The following MMP28 variants were observed in gnomAD, a reference collection of about 807,000 sequenced individuals.
MMP28 encodes the protein matrix metalloproteinase-28.
In MMP28, 55 loss-of-function variants were observed where a neutral mutation model predicts 60.5. That is an observed-to-expected ratio of 0.91 (90% CI 0.73 to 1.14). MMP28 has a LOEUF of 1.14. Ranked by LOEUF, MMP28 falls within the 50% of genes most tolerant of loss-of-function variation. The probability of loss-of-function intolerance (pLI) is 0.00; values close to 1 mark genes in which losing one functional copy is unlikely to be tolerated. For synonymous variants in MMP28, 318 were observed against 312.5 expected, an observed-to-expected ratio of 1.02 and a Z score of -0.18; for missense variants, 686 against 738.3, an observed-to-expected ratio of 0.93 and a Z score of 0.82.
At position 35,770,170 on chromosome 17, in the gene MMP28, G is replaced by C; in HGVS notation, c.747C>G (p.Thr249=). The change falls in exon 5 of 8, where the codon ACC becomes ACG. Residue 249 remains threonine (T), a synonymous_variant. Coordinates refer to ENST00000605424, the MANE Select transcript of MMP28 (RefSeq NM_024302.5). ...TGAGCGCGCGCGGCGCGGGCGAGTG[G>C]GTGAGGCCAAGCGTGTGACCGATCT... ...AHEIGHTLGL[T]HSPAPRALMA... is the part of the protein sequence containing the mutation. 6.2e-7 allele frequency: 1 copy of C among 1,606,948 alleles called. No homozygotes were observed. Among genetic ancestry groups the C allele is most frequent in the Non-Finnish European group, 8.5e-7 (1 of 1,178,332 alleles).
At chr17:35,788,630 G>A (rs2086723378) in intron 1 of MMP28, among the ~76,000 whole-genome samples, 1 of 152,092 alleles carries the variant, frequency 6.6e-6, no homozygotes, top group African/African-American at 2.4e-5. Flanking sequence ...AATGGCTCTG[G>A]GGTATGAGAA....
chr17:35,778,802 T>G (rs2086406869), intron 3 of MMP28, 86 bp downstream of exon 3: 2 of 1,610,930 alleles, frequency 1.2e-6, no homozygotes, highest in Admixed American at 1.7e-5. Context: ...ACTGACAAAG[T>G]CCAGTCCCAG....
At position 35,784,420 on chromosome 17, in the gene MMP28, G is replaced by A. The variant is rs528174786; in HGVS notation, c.112-5097C>T. Reference sequence around the variant, plus strand: ...GGAAGGGGCTCCTTAATGCTGTCAGGGCTGGGTGCTCTCACATTCTGTGGA... The same window carrying A: ...GGAAGGGGCTCCTTAATGCTGTCAGAGCTGGGTGCTCTCACATTCTGTGGA... On this transcript the variant is annotated intron_variant, in intron 1 of 7. Transcript: ENST00000605424. Among the ~76,000 whole-genome samples the A allele has an allele frequency of 3.3e-5, 5 of 152,292 alleles. No individual in the cohort carries two copies. In the East Asian group the frequency reaches 7.7e-4, roughly 23 times the overall value.
intron 1 of MMP28, among the ~76,000 whole-genome samples, chr17:35,786,606 C>T (rs888982146): frequency 2.0e-5 from 3 of 150,466 alleles, no homozygotes; most frequent in African/African-American, 4.9e-5. Flanking sequence ...TAGTGGCTCA[C>T]GTCTGCAATC....
intron 3 of MMP28, among the ~76,000 whole-genome samples, chr17:35,777,180 G>C (rs1598444905): frequency 6.6e-6 from 1 of 152,220 alleles, no homozygotes; most frequent in Non-Finnish European, 1.5e-5. Flanking sequence ...AAGTGACCTG[G>C]CCCAGGCCAC....
chr17:35,772,742 G>A (rs1555606179), intron 4 of MMP28, among the ~76,000 whole-genome samples: 1 of 152,196 alleles, frequency 6.6e-6, no homozygotes, highest in African/African-American at 2.4e-5. Context: ...TGTCAGGGCT[G>A]TCGGGAGTAG....
rs73286924 is a variant in MMP28 at position 35,770,427 on chromosome 17, C to T, written c.605-115G>A. The T allele has an allele frequency of 2.0e-3, 2,724 of 1,341,224 alleles. 40 individuals carry two copies. The African/African-American group carries it at 0.037, about 18-fold the overall frequency. 83.1% of individuals were successfully genotyped at this position (1,341,224 alleles called of 1,614,324 possible). On this transcript the variant is annotated intron_variant, in intron 4 of 7. Transcript: ENST00000605424. ...TGGCTGTTCTCTGCTGTATAGTTTCCCTCCTAAAATCTGGCAGAACCTGAA... is the reference window on the plus strand; with the variant it reads ...TGGCTGTTCTCTGCTGTATAGTTTCTCTCCTAAAATCTGGCAGAACCTGAA...
At chr17:35,780,365 G>A (rs1365915101) in intron 1 of MMP28, among the ~76,000 whole-genome samples, 2 of 152,054 alleles carry the variant, frequency 1.3e-5, no homozygotes, top group East Asian at 3.9e-4. Context: ...ACCGTGCCCA[G>A]CCCAAATGTA....
At chr17:35,780,941 G>T (rs903786544) in intron 1 of MMP28, among the ~76,000 whole-genome samples, 16 of 152,216 alleles carry the variant, frequency 1.1e-4, no homozygotes, top group Non-Finnish European at 2.4e-4. Flanking sequence ...CACATCGGAA[G>T]GTCAGGAAGG....
chr17:35,767,364 C>G (rs1286838112), intron 7 of MMP28, among the ~76,000 whole-genome samples: 1 of 152,220 alleles, frequency 6.6e-6, no homozygotes. Flanking sequence ...TCTTTTCACA[C>G]TCCTTCCCCA....
intron 3 of MMP28, among the ~76,000 whole-genome samples, chr17:35,777,524 G>C (rs1050445971): frequency 6.6e-6 from 1 of 152,188 alleles, no homozygotes; most frequent in Non-Finnish European, 1.5e-5. Flanking sequence ...TTTCCTTACA[G>C]GTTAGCTAAG....
chr17:35,766,302 A>C lies in MMP28; in HGVS notation c.*198T>G. ...TTTTCCTAAGATTGATCCCACCCCC[A>C]CCTCCATGTGGTGGGGACAGACAAA... is the stretch of plus-strand genomic sequence containing the variant. On this transcript the variant is annotated 3_prime_UTR_variant, in exon 8 of 8. Transcript: ENST00000605424. The surrounding 1 kb of genome is among the most constrained non-coding windows in gnomAD (Gnocchi z 4.3). The C allele has an allele frequency of 2.2e-6, 3 of 1,368,514 alleles. No individual in the cohort carries two copies. The highest frequency in any genetic ancestry group is 2.8e-6 in the Non-Finnish European group (3 of 1,062,296). 84.8% of individuals were successfully genotyped at this position (1,368,514 alleles called of 1,614,324 possible). A position where few individuals can be genotyped will look rare whatever the true frequency, so the allele number is the denominator to read the frequency against.
downstream of MMP28, among the ~76,000 whole-genome samples, chr17:35,762,209 C>T (rs1228276848): frequency 6.6e-6 from 1 of 152,108 alleles, no homozygotes; most frequent in Non-Finnish European, 1.5e-5. Context: ...AGGCTGGTCT[C>T]GAACTCCCGA....
downstream of MMP28, among the ~76,000 whole-genome samples, chr17:35,765,622 A>G (rs548578619): frequency 4.6e-5 from 7 of 152,364 alleles, no homozygotes; most frequent in East Asian, 1.3e-3. Flanking sequence ...GCAGCGTTGC[A>G]GAGCCCCAGG....
rs1216413185 is a variant in MMP28 at position 35,785,893 on chromosome 17, T to C, written c.112-6570A>G. 3.3e-5 allele frequency among the ~76,000 whole-genome samples: 5 copies of C among 152,224 alleles called. No homozygotes were observed. The East Asian group carries it at 9.6e-4, about 29-fold the overall frequency. On this transcript the variant is annotated intron_variant, in intron 1 of 7. Coordinates refer to ENST00000605424, the MANE Select transcript of MMP28 (RefSeq NM_024302.5). ...ATGTATAAAATGGGAGAAAGAATAC[T>C]GTTTTACCTTTCTCGCAGGAGCATC...
intron 6 of MMP28, 114 bp from the exon 7 acceptor site, chr17:35,768,033 T>C: frequency 7.3e-7 from 1 of 1,361,058 alleles, no homozygotes; most frequent in Non-Finnish European, 9.9e-7. Flanking sequence ...GGGTATGGTG[T>C]GTACAGTTGG....
chr17:35,779,659 C>G (rs1289014720), intron 1 of MMP28, among the ~76,000 whole-genome samples: 1 of 152,184 alleles, frequency 6.6e-6, no homozygotes, highest in Non-Finnish European at 1.5e-5. Flanking sequence ...GTAACAGGCT[C>G]TGGAGTCAGA....
At chr17:35,785,534 G>A (rs377321561) in intron 1 of MMP28, among the ~76,000 whole-genome samples, 84 of 152,122 alleles carry the variant, frequency 5.5e-4, no homozygotes, top group African/African-American at 1.7e-3. Context: ...TACAAGCTCC[G>A]CCTCCCGAGT....
intron 1 of MMP28, among the ~76,000 whole-genome samples, chr17:35,786,819 G>C (rs959591532): frequency 6.6e-6 from 1 of 151,834 alleles, no homozygotes; most frequent in Non-Finnish European, 1.5e-5. Flanking sequence ...GCTTTTTAAA[G>C]ATATCACACC....
Sources: gnomAD v4.1 joint callset for allele counts (sites outside exome capture counted in the v4.1 genomes callset) on GRCh38, gnomAD v4.1.1 for gene constraint, Gnocchi (gnomAD v3.1) non-coding constraint, MANE v1.5 for transcripts, NCBI Gene and HGNC (gene_info 2026-07-23, HGNC 2026-07-21) for gene names.